The following PMM2 variants were observed in gnomAD, a reference collection of about 807,000 sequenced individuals.
PMM2 encodes mannose-6-phosphate isomerase.
Under a neutral mutation model 33.2 loss-of-function variants are expected in PMM2, and 35 were observed. That is an observed-to-expected ratio of 1.06 (90% CI 0.81 to 1.40). The LOEUF is 1.40. Among genes scored for constraint, PMM2 ranks in the 40% most tolerant of loss-of-function variants. The pLI, the probability that PMM2 is intolerant of heterozygous loss-of-function variation, is 0.00. For synonymous variants in PMM2, 153 were observed against 114.7 expected, an observed-to-expected ratio of 1.33 and a Z score of -2.13; for missense variants, 386 against 306.0, an observed-to-expected ratio of 1.26 and a Z score of -1.95.
intron 7 of PMM2, among the ~76,000 whole-genome samples, chr16:8,834,339 G>C (rs2060829849): frequency 6.6e-6 from 1 of 152,114 alleles, no homozygotes; most frequent in Admixed American, 6.5e-5. Flanking sequence ...TGGGTGATTT[G>C]ACTAGTAAAG....
intron 1 of PMM2, 83 bp from the exon 2 acceptor site, chr16:8,801,716 A>G (rs573368266): frequency 1.2e-6 from 1 of 859,564 alleles, no homozygotes; most frequent in South Asian, 1.4e-5. Flanking sequence ...AATAAGACTT[A>G]TGTACTTGTG....
At chr16:8,798,578 C>T (rs1038297841) in intron 1 of PMM2, among the ~76,000 whole-genome samples, 1 of 152,194 alleles carries the variant, frequency 6.6e-6, no homozygotes, top group Non-Finnish European at 1.5e-5. Context: ...ACACCCATCT[C>T]CAGCCCCTGC....
chr16:8,815,392 G>A (rs919745906), intron 7 of PMM2, among the ~76,000 whole-genome samples: 2 of 151,872 alleles, frequency 1.3e-5, no homozygotes, highest in Admixed American at 6.6e-5. Flanking sequence ...CACCACGCCC[G>A]GCTAATTTTT....
chr16:8,827,163 T>A (rs1018179931), intron 7 of PMM2, among the ~76,000 whole-genome samples: 1 of 152,066 alleles, frequency 6.6e-6, no homozygotes, highest in Non-Finnish European at 1.5e-5. Context: ...AAACAGAGTT[T>A]CTCCCAAAAC....
chr16:8,847,150 C>T (rs1422730023), intron 7 of PMM2, among the ~76,000 whole-genome samples: 2 of 152,158 alleles, frequency 1.3e-5, no homozygotes, highest in Admixed American at 6.5e-5. Context: ...AGGCATGAGC[C>T]ACCATGCCCG....
intron 7 of PMM2, among the ~76,000 whole-genome samples, chr16:8,819,216 G>T (rs573521946): frequency 6.3e-4 from 96 of 152,344 alleles, no homozygotes; most frequent in African/African-American, 2.2e-3. Flanking sequence ...CCACATGACA[G>T]TGGTCTGTCT....
At chr16:8,806,490 G>C in intron 4 of PMM2, 83 bp downstream of exon 4, 1 of 877,334 alleles carries the variant, frequency 1.1e-6, no homozygotes, top group Non-Finnish European at 1.9e-6. Context: ...TCTCCAAATA[G>C]GATTATAAAA....
intron 7 of PMM2, among the ~76,000 whole-genome samples, chr16:8,827,834 A>G (rs2060782829): frequency 1.1e-5 from 1 of 91,172 alleles, no homozygotes; most frequent in Non-Finnish European, 2.2e-5. Context: ...TATTATATAT[A>G]TTGTATAATA....
At chr16:8,805,529 ATC>A (rs1472488153) in intron 3 of PMM2, among the ~76,000 whole-genome samples, 1 of 152,008 alleles carries the variant, frequency 6.6e-6, no homozygotes. Flanking sequence ...CTGGCTTTAA[ATC>A]TATTAATAAC....
At chr16:8,807,308 G>T (rs574966151) in intron 4 of PMM2, among the ~76,000 whole-genome samples, 1 of 152,028 alleles carries the variant, frequency 6.6e-6, no homozygotes, top group Non-Finnish European at 1.5e-5. Context: ...TGCCCAGCCT[G>T]ATTTTATGTT....
chr16:8,832,425 A>C (rs373770431), intron 7 of PMM2: 2 of 985,262 alleles, frequency 2.0e-6, no homozygotes, highest in South Asian at 9.4e-5. Flanking sequence ...ATGCACACAG[A>C]TCACTCAGAT....
At chr16:8,826,320 C>G (rs1049502581) in intron 7 of PMM2, among the ~76,000 whole-genome samples, 2 of 152,164 alleles carry the variant, frequency 1.3e-5, no homozygotes, top group African/African-American at 4.8e-5. Context: ...ATTCCCATGT[C>G]TTTAAGCAGT....
intron 7 of PMM2, among the ~76,000 whole-genome samples, chr16:8,816,960 A>G (rs1051065963): frequency 6.6e-6 from 1 of 152,174 alleles, no homozygotes; most frequent in Non-Finnish European, 1.5e-5. Flanking sequence ...TTAAAATAAA[A>G]TAAAATAAAG....
intron 7 of PMM2, among the ~76,000 whole-genome samples, chr16:8,822,879 T>C (rs1016166163): frequency 3.9e-5 from 6 of 151,970 alleles, no homozygotes; most frequent in African/African-American, 1.5e-4. Flanking sequence ...AACAAATGAG[T>C]CCTAGGATAA....
At chr16:8,817,732 T>C (rs1227416886) in intron 7 of PMM2, among the ~76,000 whole-genome samples, 1 of 152,150 alleles carries the variant, frequency 6.6e-6, no homozygotes, top group Non-Finnish European at 1.5e-5. Context: ...TATAGAAAAT[T>C]AGAGAAAGTA....
chr16:8,847,920 C>T lies in PMM2; in HGVS notation c.*95C>T, dbSNP rs1365138793. On this transcript the variant is annotated 3_prime_UTR_variant, in exon 8 of 8. Transcript: ENST00000268261. ...GTCCTCCCACACGTGCTCACCCACC[C>T]GCAGCCTAGGCAGGCTCTGCATGCT... 23 of 903,816 alleles carry T rather than the reference C, an allele frequency of 2.5e-5. No homozygotes were observed. The highest frequency in any genetic ancestry group is 3.9e-5 in the Non-Finnish European group (22 of 561,194). 56.0% of individuals were successfully genotyped at this position (903,816 alleles called of 1,614,324 possible).
intron 4 of PMM2, 30 bp downstream of exon 4, chr16:8,806,437 C>T (rs771767904): frequency 1.5e-6 from 2 of 1,347,456 alleles, no homozygotes; most frequent in Admixed American, 1.7e-5. Context: ...AGAGGCGTCA[C>T]AGGAACATAG....
At chr16:8,828,815 G>T (rs569088976) in intron 7 of PMM2, among the ~76,000 whole-genome samples, 1 of 152,262 alleles carries the variant, frequency 6.6e-6, no homozygotes, top group Non-Finnish European at 1.5e-5. Flanking sequence ...GGTTTGCGCT[G>T]TATCTCCAGC....
At chr16:8,820,411 T>C (rs1295669362) in intron 7 of PMM2, among the ~76,000 whole-genome samples, 1 of 149,902 alleles carries the variant, frequency 6.7e-6, no homozygotes, top group Non-Finnish European at 1.5e-5. Context: ...TGGAGTGCAG[T>C]GGCGCAATCT....
Sources: gnomAD v4.1 joint callset for allele counts (sites outside exome capture counted in the v4.1 genomes callset) on GRCh38, gnomAD v4.1.1 for gene constraint, MANE v1.5 for transcripts, NCBI Gene and HGNC (gene_info 2026-07-23, HGNC 2026-07-21) for gene names.